The following ADGRG2 variants were observed in gnomAD, a reference collection of about 807,000 sequenced individuals.
ADGRG2 encodes the protein G protein-coupled receptor 64.
ADGRG2 carries 26 observed loss-of-function variants against 74.1 expected under a neutral mutation model. That is an observed-to-expected ratio of 0.35 (90% CI 0.26 to 0.49). ADGRG2 has a LOEUF of 0.49. ADGRG2 is among the 20% of genes least tolerant of loss of function. ADGRG2 has a pLI of 0.99. For missense variants in ADGRG2, 619 were observed against 763.1 expected (o/e 0.81, Z 2.22); for synonymous variants, 296 against 295.2 (o/e 1.00, Z -0.03).
chrX:19,102,665 C>CT (rs760984949), intron 1 of ADGRG2, among the ~76,000 whole-genome samples: 1 of 110,709 alleles, frequency 9.0e-6, no homozygotes, highest in South Asian at 3.9e-4. Flanking sequence ...TTGCTGTGGA[C>CT]TTGTGTGTCC....
intron 1 of ADGRG2, among the ~76,000 whole-genome samples, chrX:19,117,355 T>C (rs1215189392): frequency 3.6e-5 from 4 of 110,204 alleles, no homozygotes; most frequent in Non-Finnish European, 7.6e-5. Flanking sequence ...ATGTACTTAT[T>C]GTGAATGGTG....
chrX:19,001,344 C>T (rs2060129306), intron 24 of ADGRG2, among the ~76,000 whole-genome samples: 1 of 111,525 alleles, frequency 9.0e-6, no homozygotes, highest in Non-Finnish European at 1.9e-5. Flanking sequence ...GCCACCGCCC[C>T]ACACTCTGCA....
chrX:19,048,173 T>A (rs1200756238), intron 3 of ADGRG2, among the ~76,000 whole-genome samples: 1 of 111,829 alleles, frequency 8.9e-6, no homozygotes, highest in Non-Finnish European at 1.9e-5. Flanking sequence ...CAGGGCTTTA[T>A]GAACTGTCCC....
chrX:19,114,208 G>A (rs911896596), intron 1 of ADGRG2, among the ~76,000 whole-genome samples: 3 of 110,568 alleles, frequency 2.7e-5, no homozygotes, highest in African/African-American at 9.9e-5. Context: ...TGGCACTGGG[G>A]AACACTTTAT....
At chrX:19,051,274 C>T (rs1180527937) in intron 3 of ADGRG2, among the ~76,000 whole-genome samples, 1 of 111,064 alleles carries the variant, frequency 9.0e-6, no homozygotes, top group Non-Finnish European at 1.9e-5. Flanking sequence ...CAGGGTTTCA[C>T]CGTGTTAGCC....
intron 26 of ADGRG2, among the ~76,000 whole-genome samples, chrX:18,997,037 G>A (rs1007877222): frequency 1.8e-5 from 2 of 111,485 alleles, no homozygotes; most frequent in African/African-American, 6.5e-5. Context: ...GCAGTGAGCC[G>A]AGATCGCTCC....
At chrX:19,057,889 G>C (rs2061430189) in intron 3 of ADGRG2, among the ~76,000 whole-genome samples, 1 of 111,829 alleles carries the variant, frequency 8.9e-6, no homozygotes, top group African/African-American at 3.3e-5. Flanking sequence ...TACCGTTTGG[G>C]ATTATATCAA....
chrX:19,117,582 C>T (rs1025580238), intron 1 of ADGRG2, among the ~76,000 whole-genome samples: 1 of 110,453 alleles, frequency 9.1e-6, no homozygotes, highest in African/African-American at 3.3e-5. Flanking sequence ...TTTGGGAGGC[C>T]GAGCCGGGTA....
rs759191767 is a variant in ADGRG2 at position 19,102,059 on chromosome X, G to A, written c.-46-19313C>T. On this transcript the variant is annotated intron_variant, in intron 1 of 28. Coordinates refer to ENST00000379869, the MANE Select transcript of ADGRG2 (RefSeq NM_001079858.3). ...AGGTACCATTTGGATGTTAGTAGGG[G>A]AGGAAGATGAAGTATTGCGGTGAAA... 2.7e-5 allele frequency among the ~76,000 whole-genome samples: 3 copies of A among 110,506 alleles called. No individual in the cohort carries two copies. In the South Asian group the frequency reaches 1.2e-3, roughly 44 times the overall value.
At chrX:19,074,840 G>A (rs1210000452) in intron 2 of ADGRG2, among the ~76,000 whole-genome samples, 1 of 109,783 alleles carries the variant, frequency 9.1e-6, no homozygotes, top group Non-Finnish European at 1.9e-5. Flanking sequence ...CAAAGTGCTG[G>A]GATTATAGGC....
At chrX:19,105,009 A>G (rs906290487) in intron 1 of ADGRG2, among the ~76,000 whole-genome samples, 12 of 108,829 alleles carry the variant, frequency 1.1e-4, no homozygotes, top group African/African-American at 4.0e-4. Context: ...CGAAGTAGGC[A>G]GATTGCTTGA....
chrX:19,004,180 A>G (rs1295565598), intron 23 of ADGRG2, among the ~76,000 whole-genome samples: 1 of 111,925 alleles, frequency 8.9e-6, no homozygotes, highest in Admixed American at 9.5e-5. Flanking sequence ...CTTCTTTTCC[A>G]TTAGAATTTG....
At chrX:19,052,986 C>T (rs1223982408) in intron 3 of ADGRG2, among the ~76,000 whole-genome samples, 1 of 111,902 alleles carries the variant, frequency 8.9e-6, no homozygotes, top group Non-Finnish European at 1.9e-5. Context: ...TGAGCCACTG[C>T]ACCCGGCCTC....
intron 3 of ADGRG2, among the ~76,000 whole-genome samples, chrX:19,046,566 G>A (rs980702175): frequency 2.7e-5 from 3 of 112,319 alleles, no homozygotes; most frequent in African/African-American, 9.7e-5. Context: ...AGAAATCTCC[G>A]TCAGTCAGAG....
At chrX:19,086,066 G>A (rs908392611) in intron 1 of ADGRG2, among the ~76,000 whole-genome samples, 57 of 111,357 alleles carry the variant, frequency 5.1e-4, no homozygotes, top group Non-Finnish European at 9.4e-5. Context: ...TGAATACCAA[G>A]GCCTCAACTT....
chrX:19,122,136 G>T (rs1349540281), intron 1 of ADGRG2, among the ~76,000 whole-genome samples: 1 of 112,739 alleles, frequency 8.9e-6, no homozygotes, highest in Admixed American at 9.2e-5. Context: ...GGGAAAGTAC[G>T]GCTCCGTCCG....
At chrX:19,001,438 A>G (rs768563647) in intron 24 of ADGRG2, among the ~76,000 whole-genome samples, 3 of 111,730 alleles carry the variant, frequency 2.7e-5, no homozygotes, top group South Asian at 7.4e-4. Context: ...TGCCTGGTAA[A>G]ATCAAATCTA....
chrX:19,004,962 C>T (rs989563996), intron 22 of ADGRG2, 83 bp from the exon 23 acceptor site: 26 of 749,593 alleles, frequency 3.5e-5, no homozygotes, highest in Non-Finnish European at 5.0e-5. Context: ...TTCTAGGGAT[C>T]CATTCATAGT....
rs774768036 is a variant in ADGRG2, at chrX:18,994,659, C to G, written c.2869+237G>C. Among the ~76,000 whole-genome samples, 7 of 111,913 alleles carry G rather than the reference C, an allele frequency of 6.3e-5. No homozygotes were observed. The South Asian group carries it at 2.6e-3, about 42-fold the overall frequency. On this transcript the variant is annotated intron_variant, in intron 28 of 28. Transcript: ENST00000379869. ...TAAAATGTTAAAATTTTTAGGTCAT[C>G]ATCAATTCCCACTATGAAAAACCAA...
Sources: gnomAD v4.1 joint callset for allele counts (sites outside exome capture counted in the v4.1 genomes callset) on GRCh38, gnomAD v4.1.1 for gene constraint, MANE v1.5 for transcripts, NCBI Gene and HGNC (gene_info 2026-07-23, HGNC 2026-07-21) for gene names.